The following SCFD2 variants were observed in gnomAD, a reference collection of about 807,000 sequenced individuals.
The protein encoded by SCFD2 is sec1 family domain-containing protein 2.
In SCFD2, 54 loss-of-function variants were observed where a neutral mutation model predicts 58.9. The ratio of observed to expected loss-of-function variants is 0.92; its 90% CI spans 0.74 to 1.15. SCFD2 has a LOEUF of 1.15. SCFD2 is among the 50% of genes most tolerant of loss of function. The pLI is 0.00. For missense variants in SCFD2, 805 were observed against 836.6 expected, an observed-to-expected ratio of 0.96 and a Z score of 0.47; for synonymous variants, 321 against 335.9, an observed-to-expected ratio of 0.96 and a Z score of 0.49.
At chr4:53,045,631 AG>A (rs1366716480) in intron 5 of SCFD2, among the ~76,000 whole-genome samples, 2 of 152,112 alleles carry the variant, frequency 1.3e-5, no homozygotes, top group East Asian at 1.9e-4. Context: ...TACATATCTG[AG>A]TATATCTTAT....
intron 5 of SCFD2, among the ~76,000 whole-genome samples, chr4:53,110,149 C>A (rs1725127623): frequency 6.6e-6 from 1 of 152,152 alleles, no homozygotes; most frequent in African/African-American, 2.4e-5. Flanking sequence ...GGAAAGAATT[C>A]CCTACTTAAT....
intron 5 of SCFD2, among the ~76,000 whole-genome samples, chr4:52,924,030 T>C (rs1370062457): frequency 6.6e-6 from 1 of 152,220 alleles, no homozygotes; most frequent in African/African-American, 2.4e-5. Flanking sequence ...GAAAAAAAGT[T>C]ACTAGTTCTA....
chr4:53,050,727 C>T (rs141596861), intron 5 of SCFD2, among the ~76,000 whole-genome samples: 210 of 152,316 alleles, frequency 1.4e-3, no homozygotes, highest in African/African-American at 4.8e-3. Flanking sequence ...CATGGCTTCT[C>T]ACTGCTTTGT....
chr4:53,319,071 A>C (rs977887023), intron 2 of SCFD2, among the ~76,000 whole-genome samples: 1 of 152,222 alleles, frequency 6.6e-6, no homozygotes, highest in Non-Finnish European at 1.5e-5. Context: ...AAAGAGAATC[A>C]ATTATGCAGA....
At chr4:53,182,807 G>GA (rs944673116) in intron 4 of SCFD2, among the ~76,000 whole-genome samples, 25 of 144,546 alleles carry the variant, frequency 1.7e-4, no homozygotes, top group African/African-American at 4.1e-4. Context: ...AAATTTACAA[G>GA]AAAAAAAAAA....
chr4:52,938,992 C>T (rs901684804), intron 5 of SCFD2, among the ~76,000 whole-genome samples: 5 of 152,088 alleles, frequency 3.3e-5, no homozygotes, highest in African/African-American at 1.2e-4. Context: ...TCTAATTTAC[C>T]ACTCCCCCTT....
intron 5 of SCFD2, chr4:52,949,686 A>G (rs1157300018): frequency 6.6e-6 from 1 of 152,188 alleles, no homozygotes; most frequent in Non-Finnish European, 1.5e-5. Context: ...CTGAAGTCTC[A>G]ACGTTTCCCC....
At chr4:52,905,943 T>C (rs1719338123) in intron 7 of SCFD2, among the ~76,000 whole-genome samples, 1 of 152,246 alleles carries the variant, frequency 6.6e-6, no homozygotes. Flanking sequence ...GGAAGGATTG[T>C]AAAGTCCATT....
At chr4:52,970,140 C>T (rs933854227) in intron 5 of SCFD2, among the ~76,000 whole-genome samples, 6 of 152,188 alleles carry the variant, frequency 3.9e-5, no homozygotes, top group South Asian at 2.1e-4. Flanking sequence ...GTACCGGGCT[C>T]ATCTCACTGG....
At chr4:53,208,267 G>A (rs1001084601) in intron 4 of SCFD2, among the ~76,000 whole-genome samples, 4 of 151,858 alleles carry the variant, frequency 2.6e-5, no homozygotes, top group East Asian at 1.9e-4. Flanking sequence ...ACCACACCTC[G>A]CCAGGTACTT....
intron 4 of SCFD2, among the ~76,000 whole-genome samples, chr4:53,185,411 A>C (rs1197880173): frequency 2.6e-5 from 4 of 152,066 alleles, no homozygotes; most frequent in Non-Finnish European, 5.9e-5. Context: ...AATAATAATT[A>C]TAACGCATTT....
intron 3 of SCFD2, among the ~76,000 whole-genome samples, chr4:53,277,499 C>T (rs1731362650): frequency 6.6e-6 from 1 of 152,028 alleles, no homozygotes. Context: ...TAAGTACTGC[C>T]AAAGAAAAAT....
At chr4:53,224,713 G>A (rs556387269) in intron 4 of SCFD2, among the ~76,000 whole-genome samples, 10 of 152,250 alleles carry the variant, frequency 6.6e-5, no homozygotes, top group Non-Finnish European at 1.2e-4. Context: ...TAAAATGCTG[G>A]CTTTAAGCCA....
intron 5 of SCFD2, among the ~76,000 whole-genome samples, chr4:52,959,818 G>C (rs954555142): frequency 1.3e-5 from 2 of 151,794 alleles, no homozygotes; most frequent in African/African-American, 4.8e-5. Context: ...TAGTTACTGA[G>C]GAAAGGGTCA....
At chr4:53,099,340 C>G (rs1212696207) in intron 5 of SCFD2, among the ~76,000 whole-genome samples, 7 of 152,166 alleles carry the variant, frequency 4.6e-5, no homozygotes, top group African/African-American at 1.7e-4. Flanking sequence ...TTCCTTTTAA[C>G]TTGTAACCAT....
At chr4:53,226,850 A>T (rs1445028089) in intron 4 of SCFD2, among the ~76,000 whole-genome samples, 1 of 152,160 alleles carries the variant, frequency 6.6e-6, no homozygotes, top group African/African-American at 2.4e-5. Flanking sequence ...ACCAGAAACC[A>T]ACCAACCCTC....
At chr4:53,194,295 T>C (rs1727995073) in intron 4 of SCFD2, among the ~76,000 whole-genome samples, 2 of 152,318 alleles carry the variant, frequency 1.3e-5, no homozygotes, top group East Asian at 1.9e-4. Context: ...TCACTACTAC[T>C]ACCACTATGT....
At chr4:53,229,465 C>T (rs1007508861) in intron 4 of SCFD2, among the ~76,000 whole-genome samples, 13 of 152,140 alleles carry the variant, frequency 8.5e-5, no homozygotes, top group Admixed American at 6.5e-5. Context: ...GAAATAATGC[C>T]ATGTATCTAC....
At chr4:53,104,033 A>C (rs1577730113) in intron 5 of SCFD2, among the ~76,000 whole-genome samples, 1 of 152,136 alleles carries the variant, frequency 6.6e-6, no homozygotes, top group East Asian at 1.9e-4. Flanking sequence ...TATCTTGTGC[A>C]GAAGAATTCC....
Sources: gnomAD v4.1 joint callset for allele counts (sites outside exome capture counted in the v4.1 genomes callset) on GRCh38, gnomAD v4.1.1 for gene constraint, MANE v1.5 for transcripts, NCBI Gene and HGNC (gene_info 2026-07-23, HGNC 2026-07-21) for gene names.